The following ASXL3 variants were observed in gnomAD, a reference collection of about 807,000 sequenced individuals.
ASXL3 encodes the protein ASXL transcriptional regulator 3, also known as putative Polycomb group protein ASXL3.
A neutral mutation model predicts 170.6 loss-of-function variants in ASXL3; 34 were observed. That is an observed-to-expected ratio of 0.20 (90% CI 0.15 to 0.27). The LOEUF is 0.27. Ranked by LOEUF, ASXL3 falls within the 10% of genes least tolerant of loss-of-function variation. The probability of loss-of-function intolerance (pLI) is 1.00; values close to 1 mark genes in which losing one functional copy is unlikely to be tolerated. For synonymous variants in ASXL3, 1,002 were observed against 989.1 expected (o/e 1.01, Z -0.24); for missense variants, 2,592 against 2,695.3 (o/e 0.96, Z 0.85).
At chr18:33,624,568 A>G (rs1318909293) in intron 2 of ASXL3, among the ~76,000 whole-genome samples, 6 of 152,120 alleles carry the variant, frequency 3.9e-5, no homozygotes, top group Non-Finnish European at 8.8e-5. Flanking sequence ...GTCCATACTC[A>G]TAAGTGTTAA....
intron 8 of ASXL3, among the ~76,000 whole-genome samples, chr18:33,704,743 T>C (rs1330207297): frequency 6.6e-6 from 1 of 152,068 alleles, no homozygotes; most frequent in Admixed American, 6.6e-5. Flanking sequence ...ACAGATTCGT[T>C]TTTATTCATT....
chr18:33,649,040 T>C (rs747049485), intron 4 of ASXL3, among the ~76,000 whole-genome samples: 9 of 152,054 alleles, frequency 5.9e-5, no homozygotes, highest in Non-Finnish European at 1.2e-4. Context: ...TGTAGACAAT[T>C]CTTTCAAGGA....
intron 9 of ASXL3, among the ~76,000 whole-genome samples, chr18:33,733,248 G>C (rs1599555977): frequency 6.6e-6 from 1 of 152,140 alleles, no homozygotes; most frequent in Middle Eastern, 3.4e-3. Flanking sequence ...ATGCTTAGCA[G>C]ATCTCACTAG....
chr18:33,702,700 A>G (rs1178625810), intron 8 of ASXL3, among the ~76,000 whole-genome samples: 2 of 152,100 alleles, frequency 1.3e-5, no homozygotes, highest in Non-Finnish European at 2.9e-5. Flanking sequence ...TTAGGTTTTC[A>G]GTGGTCACAG....
In ASXL3 at chr18:33,676,222, C is replaced by CAA. The variant is rs568221465; in HGVS notation, c.715+4380_715+4381dup. Among the ~76,000 whole-genome samples, 153 of 41,502 alleles carry CAA rather than the reference C, an allele frequency of 3.7e-3. 6 individuals carry two copies. The highest frequency in any genetic ancestry group is 8.3e-3 in the South Asian group (7 of 842). The allele number at this position is 41,502 out of a possible 152,430, so 27.2% of individuals were successfully genotyped here. The stretch of plus-strand genomic sequence containing the variant: ...CTGGGTGACGAGCGAGACTCCGTCT[C>CAA]AAAAAAAAAAAAAAAAAAAAAAAAA... On this transcript the variant is annotated intron_variant, in intron 7 of 11. Transcript: ENST00000269197.
In ASXL3 at chr18:33,718,581, A is replaced by G. The variant is rs114048263; in HGVS notation, c.880-13387A>G. Among the ~76,000 whole-genome samples the G allele has an allele frequency of 3.7e-3, 563 of 152,208 alleles. 4 individuals carry two copies. Among genetic ancestry groups the G allele is most frequent in the African/African-American group, 0.013 (531 of 41,550 alleles). On this transcript the variant is annotated intron_variant, in intron 8 of 11. Transcript: ENST00000269197. ...TGACATCTCTATTCTTAACTGCAGC[A>G]TGGGGTCCTCTTCCTAGCTCATGCA...
intron 2 of ASXL3, among the ~76,000 whole-genome samples, chr18:33,627,709 T>C (rs2065622689): frequency 6.6e-6 from 1 of 152,140 alleles, no homozygotes; most frequent in South Asian, 2.1e-4. Context: ...AGAATCAAAT[T>C]GGGTTGTAGT....
intron 8 of ASXL3, among the ~76,000 whole-genome samples, chr18:33,708,511 CT>C (rs2067001847): frequency 1.3e-5 from 2 of 152,136 alleles, no homozygotes; most frequent in African/African-American, 4.8e-5. Flanking sequence ...AATATTGAGT[CT>C]TCCAGTCCAT....
At position 33,745,475 on chromosome 18, in the gene ASXL3, A is replaced by G. The variant is rs776920883; in HGVS notation, c.5627A>G (p.Gln1876Arg). Residue 1876 changes from glutamine to arginine, a missense_variant, in exon 12 of 12, where the codon CAA becomes CGA. Gln to Arg is a conservative substitution (Grantham distance 43). Around this residue, in one of 4 missense-constraint regions of ASXL3, gnomAD observed 2,246 missense variants for 2,219.6 expected, o/e 1.01. Coordinates refer to ENST00000269197, the MANE Select transcript of ASXL3 (RefSeq NM_030632.3). Reference protein sequence around the residue: ...SQLGHSQPFKQEWLNKHSMQN... With the variant: ...SQLGHSQPFKREWLNKHSMQN... ...CTAGGACACAGCCAGCCATTTAAGC[A>G]AGAATGGCTAAACAAGCACTCCATG... 7.4e-6 allele frequency: 12 copies of G among 1,614,058 alleles called. No homozygotes were observed. The highest frequency in any genetic ancestry group is 1.0e-5 in the Non-Finnish European group (12 of 1,179,906).
intron 5 of ASXL3, among the ~76,000 whole-genome samples, chr18:33,669,100 G>A (rs535137734): frequency 1.3e-5 from 2 of 152,224 alleles, no homozygotes; most frequent in South Asian, 2.1e-4. Context: ...GCTGTATTCT[G>A]TTTTATTATT....
intron 8 of ASXL3, among the ~76,000 whole-genome samples, chr18:33,709,051 C>G (rs933413076): frequency 6.6e-6 from 1 of 152,034 alleles, no homozygotes; most frequent in African/African-American, 2.4e-5. Context: ...CATTAGTCAT[C>G]AAGTAAACAT....
chr18:33,654,412 AC>A (rs1381292739), intron 4 of ASXL3, among the ~76,000 whole-genome samples: 1 of 152,040 alleles, frequency 6.6e-6, no homozygotes, highest in Non-Finnish European at 1.5e-5. Flanking sequence ...ATTCGTTCTC[AC>A]TTTTCTTTAG....
intron 8 of ASXL3, among the ~76,000 whole-genome samples, chr18:33,693,255 T>G (rs1039047685): frequency 6.6e-6 from 1 of 152,142 alleles, no homozygotes; most frequent in Non-Finnish European, 1.5e-5. Context: ...ATTGGTAAGT[T>G]TTTAAAGCTA....
At chr18:33,716,203 A>G (rs2067162031) in intron 8 of ASXL3, among the ~76,000 whole-genome samples, 1 of 152,214 alleles carries the variant, frequency 6.6e-6, no homozygotes, top group South Asian at 2.1e-4. Context: ...TGACTTACAG[A>G]TACTGTACAG....
chr18:33,673,080 A>G (rs773787971), intron 7 of ASXL3, among the ~76,000 whole-genome samples: 4 of 152,182 alleles, frequency 2.6e-5, no homozygotes, highest in Non-Finnish European at 5.9e-5. Context: ...TGGGTGTTGT[A>G]AGTATTTTAA....
At chr18:33,640,881 AT>A (rs1302997467) in intron 2 of ASXL3, among the ~76,000 whole-genome samples, 1 of 151,886 alleles carries the variant, frequency 6.6e-6, no homozygotes, top group East Asian at 1.9e-4. Flanking sequence ...TACAGAATTA[AT>A]TTTTTTACAT....
intron 2 of ASXL3, among the ~76,000 whole-genome samples, chr18:33,642,501 T>G (rs1270876911): frequency 6.6e-6 from 1 of 151,998 alleles, no homozygotes; most frequent in East Asian, 1.9e-4. Flanking sequence ...AAATTTGCAT[T>G]TGACTGCAAA....
intron 8 of ASXL3, among the ~76,000 whole-genome samples, chr18:33,697,771 AG>A (rs969432724): frequency 1.3e-5 from 2 of 152,032 alleles, no homozygotes; most frequent in African/African-American, 4.8e-5. Flanking sequence ...TGAGAGGCCA[AG>A]GGGAAAGGAT....
rs117049520 is a variant in ASXL3 at position 33,693,724 on chromosome 18, A to G, written c.879+10156A>G. 6.8e-3 allele frequency among the ~76,000 whole-genome samples: 1,043 copies of G among 152,330 alleles called. 5 individuals are homozygous for G. The highest frequency in any genetic ancestry group is 0.011 in the Non-Finnish European group (735 of 68,026). ...CTATTTATGTGTTTTTCACCCCAGC[A>G]ATGCTAAATATTTATGCATTTATCT... On this transcript the variant is annotated intron_variant, in intron 8 of 11. Coordinates refer to ENST00000269197, the MANE Select transcript of ASXL3 (RefSeq NM_030632.3).
Sources: gnomAD v4.1 joint callset for allele counts (sites outside exome capture counted in the v4.1 genomes callset) on GRCh38, gnomAD v4.1.1 for gene constraint, gnomAD v4.1.1 regional missense constraint, MANE v1.5 for transcripts, NCBI Gene and HGNC (gene_info 2026-07-23, HGNC 2026-07-21) for gene names.